Variants in NCBP1 observed in about 807,000 individuals in gnomAD.
NCBP1 encodes the protein nuclear cap binding protein subunit 1, also known as nuclear cap-binding protein subunit 1.
NCBP1 carries 16 observed loss-of-function variants against 111.7 expected under a neutral mutation model. That is an observed-to-expected ratio of 0.14 (90% CI 0.10 to 0.22). The LOEUF (loss-of-function observed/expected upper bound fraction) is 0.22, where lower values mean the gene tolerates loss of function less well. Ranked by LOEUF, NCBP1 falls within the 10% of genes least tolerant of loss-of-function variation. The pLI is 1.00. For synonymous variants in NCBP1, 304 were observed against 314.3 expected (o/e 0.97, Z 0.35); for missense variants, 607 against 957.5 (o/e 0.63, Z 4.83).
At chr9:97,649,431 G>A (rs949348669) in intron 8 of NCBP1, among the ~76,000 whole-genome samples, 2 of 151,996 alleles carry the variant, frequency 1.3e-5, no homozygotes, top group South Asian at 4.1e-4. Context: ...ATTGCCCCCA[G>A]TTGAAAACTA....
Position 97,660,956 on chromosome 9 carries a change from T to G in NCBP1, c.1488T>G (p.Pro496=). The G allele has an allele frequency of 6.2e-7, 1 of 1,611,036 alleles. No individual in the cohort carries two copies. The highest frequency in any genetic ancestry group is 8.5e-7 in the Non-Finnish European group (1 of 1,179,032). ...CAATTCTGTGTTTAGATTCTCTTCC[T>G]GGACATTCTGTTGCCCTCTGTTTAG... ...KYGDESSNSL[P]GHSVALCLAV... is the part of the protein sequence containing the mutation. Residue 496 remains proline, a synonymous_variant, in exon 16 of 23, where the codon CCT becomes CCG. Transcript: ENST00000375147.
Position 97,671,152 on chromosome 9 carries a change from C to A in NCBP1, c.2326C>A (p.Pro776Thr), listed in dbSNP as rs142212526. The change falls in exon 23 of 23, where the codon CCT (proline) becomes ACT (threonine). Residue 776 changes from proline (P) to threonine (T), a missense_variant. Around this residue, in one of 9 missense-constraint regions of NCBP1, gnomAD observed 18 missense variants for 18.7 expected, o/e 0.96. Transcript: ENST00000375147. ...ENLLFTAELD[P>T]HILAVFQQFC... is the part of the protein sequence containing the mutation. ...CCTTCTCTTCACTGCTGAATTAGAC[C>A]CTCATATCTTGGCCGTGTTCCAGCA... is the stretch of plus-strand genomic sequence containing the variant. The A allele has an allele frequency of 2.0e-4, 330 of 1,613,608 alleles. No individual in the cohort carries two copies. The highest frequency in any genetic ancestry group is 2.5e-4 in the Non-Finnish European group (299 of 1,179,676).
intron 14 of NCBP1, among the ~76,000 whole-genome samples, chr9:97,657,920 ATATATATTT>A (rs1564025541): frequency 9.5e-6 from 1 of 105,414 alleles, no homozygotes; most frequent in South Asian, 2.8e-4. Context: ...ATATATATAT[ATATATATTT>A]TTTTTTTTTT....
Position 97,648,011 on chromosome 9 carries a change from T to G in NCBP1, c.685T>G (p.Leu229Val). 6.2e-7 allele frequency: 1 copy of G among 1,610,066 alleles called. No homozygotes were observed. The highest frequency in any genetic ancestry group is 8.5e-7 in the Non-Finnish European group (1 of 1,177,106). The part of the protein sequence containing the change: ...ADKPHPQEEY[L>V]DCLWAQIQKL... Reference sequence around the variant, plus strand: ...TTAAAAATTAATCTGTCTTTAGTATTTAGATTGCCTGTGGGCCCAGATTCA... The same window carrying G: ...TTAAAAATTAATCTGTCTTTAGTATGTAGATTGCCTGTGGGCCCAGATTCA... Residue 229 changes from leucine (L) to valine (V), a missense_variant, in exon 8 of 23, where the codon TTA (leucine) becomes GTA (valine). Leu to Val is a conservative substitution (Grantham distance 32, BLOSUM62 1). This residue lies in a region of NCBP1 where 53 missense variants were observed against 144.8 expected (regional missense o/e 0.37). Coordinates refer to ENST00000375147, the MANE Select transcript of NCBP1 (RefSeq NM_002486.5).
At chr9:97,657,632 A>C (rs924961774) in intron 14 of NCBP1, among the ~76,000 whole-genome samples, 1 of 152,076 alleles carries the variant, frequency 6.6e-6, no homozygotes, top group Non-Finnish European at 1.5e-5. Flanking sequence ...TCTTCATCAG[A>C]TCTCCATCCT....
At chr9:97,651,105 T>C (rs1372285404) in intron 9 of NCBP1, among the ~76,000 whole-genome samples, 1 of 152,198 alleles carries the variant, frequency 6.6e-6, no homozygotes, top group East Asian at 1.9e-4. Context: ...CCTTTTGAGC[T>C]TTCAAGAAAT....
At chr9:97,643,066 T>G (rs962307420) in intron 3 of NCBP1, 138 bp from the exon 4 acceptor site, 11 of 787,438 alleles carry the variant, frequency 1.4e-5, no homozygotes, top group Non-Finnish European at 1.9e-5. Flanking sequence ...GACATGCTTT[T>G]TCTGAAGTAT....
chr9:97,642,806 C>T (rs367584236), intron 3 of NCBP1, among the ~76,000 whole-genome samples: 6 of 152,056 alleles, frequency 3.9e-5, no homozygotes, highest in African/African-American at 9.7e-5. Flanking sequence ...TGCACGCCCC[C>T]CCTTAATGAT....
chr9:97,653,119 CTT>C (rs57742118), intron 10 of NCBP1, among the ~76,000 whole-genome samples: 30 of 123,492 alleles, frequency 2.4e-4, no homozygotes, highest in African/African-American at 1.6e-4. Flanking sequence ...TAAAAGAATT[CTT>C]TTTTTTTTTT....
intron 22 of NCBP1, among the ~76,000 whole-genome samples, chr9:97,670,611 A>G (rs1341499766): frequency 1.3e-5 from 2 of 152,244 alleles, no homozygotes; most frequent in African/African-American, 4.8e-5. Flanking sequence ...AAAAGCTTTA[A>G]CAGTCTCTAG....
chr9:97,644,923 AT>A (rs200572317), intron 4 of NCBP1, among the ~76,000 whole-genome samples, 193 bp from the exon 5 acceptor site: 2 of 151,392 alleles, frequency 1.3e-5, no homozygotes, highest in Non-Finnish European at 2.9e-5. Flanking sequence ...AATACTCTTG[AT>A]TTTTTTTTCA....
chr9:97,650,640 CA>C (rs369370079), intron 9 of NCBP1, 40 bp downstream of exon 9: 6 of 1,557,450 alleles, frequency 3.9e-6, no homozygotes, highest in African/African-American at 1.4e-5. Flanking sequence ...GGGAGAGAAG[CA>C]GCAATTTTGA....
At chr9:97,647,802 T>C (rs1257641846) in intron 7 of NCBP1, among the ~76,000 whole-genome samples, 2 of 152,254 alleles carry the variant, frequency 1.3e-5, no homozygotes, top group Non-Finnish European at 2.9e-5. Flanking sequence ...TTTATTTAAA[T>C]GCTTAATTTG....
intron 1 of NCBP1, among the ~76,000 whole-genome samples, chr9:97,638,136 GTTGTC>G (rs1229567440): frequency 1.3e-5 from 2 of 152,054 alleles, no homozygotes; most frequent in African/African-American, 2.4e-5. Context: ...CCTTACCCAG[GTTGTC>G]TTATGAGTTC....
chr9:97,662,268 G>GTGGGTT, intron 17 of NCBP1, 124 bp downstream of exon 17: 1 of 678,260 alleles, frequency 1.5e-6, no homozygotes, highest in East Asian at 2.8e-5. Context: ...ATTGGACACA[G>GTGGGTT]TGGGTTTGGG....
chr9:97,661,851 T>G (rs1827848414), intron 16 of NCBP1, among the ~76,000 whole-genome samples, 191 bp from the exon 17 acceptor site: 1 of 151,854 alleles, frequency 6.6e-6, no homozygotes, highest in African/African-American at 2.4e-5. Context: ...AACTAAGACT[T>G]AAAATTACAA....
rs748580819 is a variant in NCBP1, at chr9:97,647,517, A to G, written c.637A>G (p.Met213Val). ...AAGACGCCAAAAGACTCATGTACCC[A>G]TGTTACAGGTATGGACTGCTGATAA... ...LKRRQKTHVPMLQVWTADKPH... is the reference protein window; with the variant it reads ...LKRRQKTHVPVLQVWTADKPH... The change falls in exon 7 of 23, where the codon ATG (methionine) becomes GTG (valine). Residue 213 changes from methionine to valine, a missense_variant. Met to Val is a conservative substitution (Grantham distance 21). This residue lies in a region of NCBP1 where 185 missense variants were observed against 272.0 expected (regional missense o/e 0.68). Coordinates refer to ENST00000375147, the MANE Select transcript of NCBP1 (RefSeq NM_002486.5). The G allele has an allele frequency of 2.5e-6, 4 of 1,613,242 alleles. No homozygotes were observed. Among genetic ancestry groups the G allele is most frequent in the South Asian group, 2.2e-5 (2 of 91,060 alleles).
chr9:97,655,918 G>GT, intron 13 of NCBP1, 93 bp from the exon 14 acceptor site: 1 of 1,369,532 alleles, frequency 7.3e-7, no homozygotes, highest in Non-Finnish European at 1.0e-6. Context: ...AACAAAACTT[G>GT]TAAGTTGTTA....
Position 97,664,357 on chromosome 9 carries a change from G to A in NCBP1, c.1815G>A (p.Val605=), listed in dbSNP as rs373293346. The change falls in exon 19 of 23, where the codon GTG becomes GTA. Residue 605 remains valine (V), a synonymous_variant. Coordinates refer to ENST00000375147, the MANE Select transcript of NCBP1 (RefSeq NM_002486.5). ...RNHPQMIAVL[V]DKMIRTQIVD... ...CATTGTAGATGATTGCTGTACTAGT[G>A]GATAAGATGATTCGTACACAAATAG... 5.0e-6 allele frequency: 8 copies of A among 1,610,202 alleles called. No individual in the cohort carries two copies. The African/African-American group carries it at 9.4e-5, about 19-fold the overall frequency.
Sources: gnomAD v4.1 joint callset for allele counts (sites outside exome capture counted in the v4.1 genomes callset) on GRCh38, gnomAD v4.1.1 for gene constraint, gnomAD v4.1.1 regional missense constraint, MANE v1.5 for transcripts, NCBI Gene and HGNC (gene_info 2026-07-23, HGNC 2026-07-21) for gene names.